TMPRSS15: variants seen among roughly 807,000 people sequenced by gnomAD.
TMPRSS15 encodes enteropeptidase.
TMPRSS15 carries 128 observed loss-of-function variants against 125.3 expected under a neutral mutation model. The ratio of observed to expected loss-of-function variants is 1.02; its 90% CI spans 0.89 to 1.18. The LOEUF (loss-of-function observed/expected upper bound fraction) is 1.18, where lower values mean the gene tolerates loss of function less well. Among genes scored for constraint, TMPRSS15 ranks in the 50% most tolerant of loss-of-function variants. The probability of loss-of-function intolerance (pLI) is 0.00; values close to 1 mark genes in which losing one functional copy is unlikely to be tolerated. For synonymous variants in TMPRSS15, 446 were observed against 423.2 expected, an observed-to-expected ratio of 1.05 and a Z score of -0.66; for missense variants, 1,283 against 1,212.7, an observed-to-expected ratio of 1.06 and a Z score of -0.86.
At chr21:18,449,325 T>G (rs2076262488) in intron 1 of TMPRSS15, among the ~76,000 whole-genome samples, 1 of 152,096 alleles carries the variant, frequency 6.6e-6, no homozygotes, top group Non-Finnish European at 1.5e-5. Context: ...CTTAAGTTTA[T>G]TTCATAGATA....
chr21:18,395,781 CAG>C (rs1245538945), intron 3 of TMPRSS15, among the ~76,000 whole-genome samples: 5 of 152,132 alleles, frequency 3.3e-5, no homozygotes, highest in Admixed American at 2.6e-4. Flanking sequence ...TAATTTCTAT[CAG>C]ACTGTCAGCT....
In TMPRSS15 at chr21:18,294,361, C is replaced by G. The variant is rs368655507; in HGVS notation, c.2395G>C (p.Val799Leu). 1.2e-6 allele frequency: 2 copies of G among 1,614,240 alleles called. No individual in the cohort carries two copies. The highest frequency in any genetic ancestry group is 4.5e-5 in the East Asian group (2 of 44,884). ...SNAKEGAWPWVVGLYYGGRLL... is the reference protein window; with the variant it reads ...SNAKEGAWPWLVGLYYGGRLL... ...CGGCCGCCATAATACAGACCCACAA[C>G]CCAGGGCCAGGCCCCTTCTTTGGCA... The change falls in exon 21 of 25, where the codon GTT becomes CTT. Residue 799 changes from valine (V) to leucine (L), a missense_variant. Physicochemically the swap from Val to Leu is conservative, Grantham distance 32. Transcript: ENST00000284885.
chr21:18,369,639 T>A (rs894739583), intron 6 of TMPRSS15, among the ~76,000 whole-genome samples: 3 of 151,652 alleles, frequency 2.0e-5, no homozygotes, highest in Non-Finnish European at 4.4e-5. Context: ...AGCAAAAAAA[T>A]AAATAAATCA....
chr21:18,410,831 A>T (rs1212350757), intron 1 of TMPRSS15, among the ~76,000 whole-genome samples: 1 of 152,114 alleles, frequency 6.6e-6, no homozygotes, highest in Non-Finnish European at 1.5e-5. Flanking sequence ...GACCTAAAGA[A>T]CTAAAGACTA....
At chr21:18,272,096 G>A (rs2074564385) in intron 24 of TMPRSS15, among the ~76,000 whole-genome samples, 1 of 152,134 alleles carries the variant, frequency 6.6e-6, no homozygotes, top group Non-Finnish European at 1.5e-5. Context: ...AGGGATTGCT[G>A]GGTCAAATGG....
At chr21:18,316,864 A>G (rs1336096071) in intron 16 of TMPRSS15, among the ~76,000 whole-genome samples, 3 of 152,110 alleles carry the variant, frequency 2.0e-5, no homozygotes, top group Admixed American at 6.6e-5. Flanking sequence ...TAGGAGGTAC[A>G]GTTATGTGCT....
intron 19 of TMPRSS15, among the ~76,000 whole-genome samples, chr21:18,295,866 G>A (rs1004970326): frequency 1.3e-5 from 2 of 152,120 alleles, no homozygotes; most frequent in Admixed American, 1.3e-4. Flanking sequence ...TACAGAATCA[G>A]AATAGGCCGG....
chr21:18,391,148 C>T (rs547682496), intron 3 of TMPRSS15, among the ~76,000 whole-genome samples: 4 of 152,278 alleles, frequency 2.6e-5, no homozygotes, highest in African/African-American at 9.6e-5. Context: ...CCATATCATT[C>T]TGCTTCAGGC....
At position 18,313,055 on chromosome 21, in the gene TMPRSS15, C is replaced by A. The variant is rs765120268; in HGVS notation, c.2055G>T (p.Thr685=). 1 of 1,613,630 alleles carries A rather than the reference C, an allele frequency of 6.2e-7. No homozygotes were observed. The highest frequency in any genetic ancestry group is 1.3e-5 in the African/African-American group (1 of 74,800). ...TGAACCGCACTAAACCATTGTTGTTCGTTGTGCCATTGAAAAAACGCACTA... is the reference window on the plus strand; with the variant it reads ...TGAACCGCACTAAACCATTGTTGTTAGTTGTGCCATTGAAAAAACGCACTA... ...ADCVRFFNGT[T]NNNGLVRFRI... is the part of the protein sequence containing the mutation. The change falls in exon 18 of 25, where the codon ACG becomes ACT. Residue 685 remains threonine, a synonymous_variant. Coordinates refer to ENST00000284885, the MANE Select transcript of TMPRSS15 (RefSeq NM_002772.3).
intron 18 of TMPRSS15, among the ~76,000 whole-genome samples, chr21:18,307,304 T>G (rs1258970603): frequency 6.6e-6 from 1 of 152,166 alleles, no homozygotes; most frequent in African/African-American, 2.4e-5. Flanking sequence ...ATGTACTACT[T>G]GTGTTACAGA....
intron 1 of TMPRSS15, among the ~76,000 whole-genome samples, chr21:18,476,744 T>C (rs1288692822): frequency 6.6e-6 from 1 of 152,154 alleles, no homozygotes; most frequent in East Asian, 1.9e-4. Context: ...AAGAAAAGGC[T>C]TTCATACCAA....
intron 8 of TMPRSS15, among the ~76,000 whole-genome samples, chr21:18,358,068 TA>T (rs1400175242): frequency 6.6e-6 from 1 of 151,844 alleles, no homozygotes; most frequent in African/African-American, 2.4e-5. Context: ...TTTCTTATTA[TA>T]TTTTTATGGC....
chr21:18,460,717 T>C (rs925510615), intron 1 of TMPRSS15: 1 of 152,186 alleles, frequency 6.6e-6, no homozygotes, highest in Non-Finnish European at 1.5e-5. Flanking sequence ...TATTGTTCTA[T>C]TCAGTCACCT....
At chr21:18,319,293 G>A (rs2075208422) in intron 16 of TMPRSS15, among the ~76,000 whole-genome samples, 1 of 151,816 alleles carries the variant, frequency 6.6e-6, no homozygotes, top group Non-Finnish European at 1.5e-5. Context: ...TGTCTTTGGT[G>A]TGTCAGGAGA....
chr21:18,279,501 T>A (rs9975116), intron 22 of TMPRSS15, among the ~76,000 whole-genome samples: 3 of 149,632 alleles, frequency 2.0e-5, no homozygotes, highest in Admixed American at 6.7e-5. Context: ...AATTTTTTTG[T>A]ATTTTTTTTT....
chr21:18,471,056 C>G (rs1336591769), intron 1 of TMPRSS15, among the ~76,000 whole-genome samples: 1 of 151,802 alleles, frequency 6.6e-6, no homozygotes, highest in Non-Finnish European at 1.5e-5. Flanking sequence ...CACTGAAACA[C>G]CATTTTATAC....
intron 16 of TMPRSS15, among the ~76,000 whole-genome samples, chr21:18,323,189 C>T (rs1003530409): frequency 6.6e-6 from 1 of 152,056 alleles, no homozygotes; most frequent in Non-Finnish European, 1.5e-5. Flanking sequence ...TTTCAAGATG[C>T]TTTAACTTTT....
intron 1 of TMPRSS15, among the ~76,000 whole-genome samples, chr21:18,449,248 T>C (rs1018602749): frequency 5.3e-5 from 8 of 152,132 alleles, no homozygotes; most frequent in African/African-American, 1.2e-4. Flanking sequence ...ATATGACAAT[T>C]CACAAAAACC....
chr21:18,403,792 A>G (rs778694326), upstream of TMPRSS15: 22 of 707,120 alleles, frequency 3.1e-5, no homozygotes, highest in Non-Finnish European at 5.1e-5. Context: ...TGGCAAAATT[A>G]TGTCTCTATA....
Sources: allele counts gnomAD v4.1 joint callset (sites outside exome capture counted in the v4.1 genomes callset), GRCh38; gene constraint gnomAD v4.1.1; transcripts MANE v1.5; gene names NCBI Gene and HGNC (gene_info 2026-07-23, HGNC 2026-07-21).